SPG11: variants seen among roughly 807,000 people sequenced by gnomAD.
SPG11 encodes the protein spatacsin.
A neutral mutation model predicts 274.0 loss-of-function variants in SPG11; 222 were observed. The observed-to-expected ratio is 0.81, with a 90% CI of 0.73 to 0.91. SPG11 has a LOEUF of 0.91. SPG11 is among the 40% of genes least tolerant of loss of function. The pLI, the probability that SPG11 is intolerant of heterozygous loss-of-function variation, is 0.00. For synonymous variants in SPG11, 1,144 were observed against 1,039.7 expected (o/e 1.10, Z -1.93); for missense variants, 3,114 against 2,872.7 (o/e 1.08, Z -1.92).
chr15:44,624,188 TA>T (rs1210622614), intron 11 of SPG11, among the ~76,000 whole-genome samples: 362 of 141,726 alleles, frequency 2.6e-3, no homozygotes, highest in Middle Eastern at 6.9e-3. Flanking sequence ...TATTTGGCCT[TA>T]AAAAAAAAAA....
At position 44,573,537 on chromosome 15, in the gene SPG11, G is replaced by C. The variant is rs548551204; in HGVS notation, c.6205+10C>G. 732 of 1,614,050 alleles carry C rather than the reference G, an allele frequency of 4.5e-4. 10 individuals are homozygous for C. The South Asian group carries it at 7.7e-3, about 17-fold the overall frequency. ...TCAGAGAGGTTGGGAATCCCCGGGG[G>C]GTAGGGCACCTGTTCCCTGTGATGA... On this transcript the variant is annotated intron_variant, in intron 32 of 39. Coordinates refer to ENST00000261866, the MANE Select transcript of SPG11 (RefSeq NM_025137.4).
intron 5 of SPG11, 52 bp downstream of exon 5, chr15:44,652,077 A>C: frequency 6.2e-7 from 1 of 1,608,744 alleles, no homozygotes; most frequent in Non-Finnish European, 8.5e-7. Flanking sequence ...GTACAGCGTC[A>C]GCATGATAAA....
chr15:44,609,843 C>G (rs2083414173), intron 18 of SPG11, among the ~76,000 whole-genome samples: 1 of 149,468 alleles, frequency 6.7e-6, no homozygotes. Flanking sequence ...GTAATCGTGT[C>G]TCAGCCACCC....
chr15:44,649,048 A>C (rs770758952), intron 6 of SPG11, 37 bp from the exon 7 acceptor site: 2 of 1,536,956 alleles, frequency 1.3e-6, no homozygotes, highest in African/African-American at 2.7e-5. Context: ...AACAAATTAG[A>C]TTAGATTTTA....
intron 8 of SPG11, among the ~76,000 whole-genome samples, chr15:44,632,747 G>A (rs779382019): frequency 6.6e-6 from 1 of 151,836 alleles, no homozygotes; most frequent in Non-Finnish European, 1.5e-5. Context: ...AGACTCAAGC[G>A]ATCCTCCCAC....
rs998730958 is a variant in SPG11 at position 44,636,305 on chromosome 15, G to A, written c.1603-2668C>T. ...GAGACTATAAACAAACTATGCCTTC[G>A]TTCTGAGTGATGGGAGTAAAAACTA... On this transcript the variant is annotated intron_variant, in intron 7 of 39. Transcript: ENST00000261866. Among the ~76,000 whole-genome samples, 4 of 151,886 alleles carry A rather than the reference G, an allele frequency of 2.6e-5. 1 individual carries two copies. Among genetic ancestry groups the A allele is most frequent in the Non-Finnish European group, 5.9e-5 (4 of 68,004 alleles).
chr15:44,635,588 CCT>C (rs2084218891), intron 7 of SPG11, among the ~76,000 whole-genome samples: 1 of 125,538 alleles, frequency 8.0e-6, no homozygotes, highest in Admixed American at 8.3e-5. Context: ...CCTATGCAAC[CCT>C]GTCTCAAAAA....
intron 4 of SPG11, among the ~76,000 whole-genome samples, chr15:44,654,783 C>G (rs2084889172): frequency 6.6e-6 from 1 of 151,940 alleles, no homozygotes; most frequent in South Asian, 2.1e-4. Flanking sequence ...GTGCAGTGAG[C>G]TGAGATTGCA....
intron 6 of SPG11, among the ~76,000 whole-genome samples, chr15:44,650,605 G>A (rs2084740937): frequency 2.0e-5 from 3 of 148,742 alleles, no homozygotes; most frequent in African/African-American, 7.4e-5. Flanking sequence ...CAGCCTGGGC[G>A]ACAGAGTGAC....
chr15:44,572,062 TG>T (rs1432572307), intron 33 of SPG11, among the ~76,000 whole-genome samples: 1 of 152,264 alleles, frequency 6.6e-6, no homozygotes, highest in Non-Finnish European at 1.5e-5. Context: ...TCAAAAGCAT[TG>T]GGATTACAGG....
chr15:44,603,261 C>T lies in SPG11; in HGVS notation c.3521-2629G>A, dbSNP rs1051703865. 1.1e-4 allele frequency among the ~76,000 whole-genome samples: 16 copies of T among 151,978 alleles called. No individual in the cohort carries two copies. In the East Asian group the frequency reaches 1.5e-3, roughly 15 times the overall value. On this transcript the variant is annotated intron_variant, in intron 20 of 39. Transcript: ENST00000261866. The stretch of plus-strand genomic sequence containing the variant: ...CTTCTTGACCCTTATCTTCTATACC[C>T]GGCTAATTTTTTGTAGAGACAGTGT...
chr15:44,663,250 C>G, intron 1 of SPG11, 141 bp downstream of exon 1: 1 of 1,176,700 alleles, frequency 8.5e-7, no homozygotes. Context: ...ACGCTCGCCT[C>G]TGGGGCGTTT....
chr15:44,636,925 C>CAAA (rs370928375), intron 7 of SPG11, among the ~76,000 whole-genome samples: 349 of 19,282 alleles, frequency 0.018, 56 homozygotes, highest in African/African-American at 0.03. Context: ...GACTCCATCT[C>CAAA]AAAAAAAAAA....
chr15:44,626,719 CTG>C (rs565156637), intron 10 of SPG11, among the ~76,000 whole-genome samples: 74 of 152,164 alleles, frequency 4.9e-4, no homozygotes, highest in African/African-American at 1.7e-3. Context: ...GATTATAGTA[CTG>C]TATGATAAGG....
rs1424553573 is a variant in SPG11, at chr15:44,584,605, G to GT, written c.5122-48dup. ...ATTTTAGCCTTTCTTGGATAAAAAA[G>GT]TATCATAAATGCTAATGTTCCCTAA... is the stretch of plus-strand genomic sequence containing the variant. On this transcript the variant is annotated intron_variant, in intron 29 of 39. Transcript: ENST00000261866. 6 of 1,591,918 alleles carry GT rather than the reference G, an allele frequency of 3.8e-6. No homozygotes were observed. The African/African-American group carries it at 8.0e-5, about 21-fold the overall frequency.
chr15:44,640,408 G>C (rs981811607), intron 7 of SPG11, among the ~76,000 whole-genome samples: 1 of 152,022 alleles, frequency 6.6e-6, no homozygotes, highest in Non-Finnish European at 1.5e-5. Flanking sequence ...TGGATATAAA[G>C]ATTAAATATC....
intron 8 of SPG11, 86 bp downstream of exon 8, chr15:44,633,419 T>C: frequency 1.0e-6 from 1 of 962,756 alleles, no homozygotes; most frequent in Non-Finnish European, 1.5e-6. Context: ...AGTAAATGAG[T>C]CATCAGAAAA....
rs184308123 is a variant in SPG11 at position 44,620,429 on chromosome 15, A to G, written c.2621-26T>C. 1,646 of 1,495,340 alleles carry G rather than the reference A, an allele frequency of 1.1e-3. 10 individuals are homozygous for G. Among genetic ancestry groups the G allele is most frequent in the African/African-American group, 0.01 (736 of 71,316 alleles). The allele number at this position is 1,495,340 out of a possible 1,614,324, so 92.6% of individuals were successfully genotyped here. A position where few individuals can be genotyped will look rare whatever the true frequency, so the allele number is the denominator to read the frequency against. The stretch of plus-strand genomic sequence containing the variant: ...CTACATGAAAAAAAACACATTTTAA[A>G]ATATAATTAATTATGTCTATTGACA... On this transcript the variant is annotated intron_variant, in intron 14 of 39. Transcript: ENST00000261866.
chr15:44,565,195 G>T (rs1414786424), intron 38 of SPG11, among the ~76,000 whole-genome samples: 1 of 152,214 alleles, frequency 6.6e-6, no homozygotes, highest in Non-Finnish European at 1.5e-5. Flanking sequence ...ACTAACCTGA[G>T]TGTGCCATTC....
Sources: gnomAD v4.1 joint callset for allele counts (sites outside exome capture counted in the v4.1 genomes callset) on GRCh38, gnomAD v4.1.1 for gene constraint, MANE v1.5 for transcripts, NCBI Gene and HGNC (gene_info 2026-07-23, HGNC 2026-07-21) for gene names.